Variants in MAST2 observed in about 807,000 individuals in gnomAD.
MAST2 encodes microtubule associated serine/threonine kinase 2.
In MAST2, 70 loss-of-function variants were observed where a neutral mutation model predicts 147.4. The observed-to-expected ratio is 0.47, with a 90% CI of 0.39 to 0.58. The LOEUF (loss-of-function observed/expected upper bound fraction) is 0.58. Ranked by LOEUF, MAST2 falls within the 20% of genes least tolerant of loss-of-function variation. The pLI is 0.00. For synonymous variants in MAST2, 869 were observed against 896.8 expected, an observed-to-expected ratio of 0.97 and a Z score of 0.55; for missense variants, 2,080 against 2,302.3, an observed-to-expected ratio of 0.90 and a Z score of 1.98.
At chr1:45,946,218 T>C (rs955171643) in intron 4 of MAST2, among the ~76,000 whole-genome samples, 3 of 152,178 alleles carry the variant, frequency 2.0e-5, no homozygotes, top group Non-Finnish European at 2.9e-5. Context: ...ACCAGGTTGA[T>C]TCCATTAGAA....
intron 4 of MAST2, among the ~76,000 whole-genome samples, chr1:45,888,622 A>G (rs1388728217): frequency 1.4e-5 from 2 of 139,776 alleles, no homozygotes; most frequent in Non-Finnish European, 3.1e-5. Flanking sequence ...TCGGCCTCCC[A>G]AAGTGCTGGG....
intron 6 of MAST2, among the ~76,000 whole-genome samples, chr1:45,998,933 C>T (rs893979067): frequency 4.6e-5 from 7 of 152,188 alleles, no homozygotes; most frequent in African/African-American, 1.2e-4. Context: ...GGGGTTCCAC[C>T]GTGTTAGCCA....
intron 1 of MAST2, among the ~76,000 whole-genome samples, chr1:45,814,560 G>A (rs1019067828): frequency 1.3e-5 from 2 of 152,158 alleles, no homozygotes; most frequent in East Asian, 3.8e-4. Context: ...ACCAAGGCGG[G>A]TGTATCACCT....
At chr1:45,943,208 A>G (rs903557825) in intron 4 of MAST2, among the ~76,000 whole-genome samples, 7 of 152,224 alleles carry the variant, frequency 4.6e-5, no homozygotes, top group African/African-American at 7.2e-5. Flanking sequence ...TCTTGGAGGC[A>G]TGATGATGGG....
chr1:46,011,132 C>A (rs144069672), intron 10 of MAST2, 193 bp downstream of exon 10: 30 of 596,286 alleles, frequency 5.0e-5, no homozygotes, highest in African/African-American at 5.0e-4. Flanking sequence ...TGCTTGGTAT[C>A]AAAGGAAGTC....
chr1:45,980,988 G>A (rs1043731005), intron 5 of MAST2, among the ~76,000 whole-genome samples: 4 of 152,178 alleles, frequency 2.6e-5, no homozygotes, highest in African/African-American at 7.2e-5. Flanking sequence ...AATATACGCA[G>A]AGCTGGCCAA....
At chr1:45,976,681 G>C (rs1451824974) in intron 5 of MAST2, among the ~76,000 whole-genome samples, 2 of 152,324 alleles carry the variant, frequency 1.3e-5, no homozygotes, top group African/African-American at 4.8e-5. Context: ...TATTAACAGA[G>C]GGCAGTGCTG....
In MAST2 at chr1:45,846,409, C is replaced by G. The variant is rs2147948819; in HGVS notation, c.468+16828C>G. 1.3e-5 allele frequency among the ~76,000 whole-genome samples: 2 copies of G among 152,104 alleles called. 1 individual carries two copies. Among genetic ancestry groups the G allele is most frequent in the South Asian group, 4.2e-4 (2 of 4,798 alleles). ...CAAGAAAATCAAAACATTTTCTGTCCTTAGTTATATTGCTCCCCCCGGCCT... is the reference window on the plus strand; with the variant it reads ...CAAGAAAATCAAAACATTTTCTGTCGTTAGTTATATTGCTCCCCCCGGCCT... On this transcript the variant is annotated intron_variant, in intron 3 of 28. Coordinates refer to ENST00000361297, the MANE Select transcript of MAST2 (RefSeq NM_015112.3).
chr1:45,870,674 C>T (rs1359619872), intron 3 of MAST2, among the ~76,000 whole-genome samples: 1 of 151,668 alleles, frequency 6.6e-6, no homozygotes, highest in East Asian at 1.9e-4. Flanking sequence ...ATAATCCCAG[C>T]ACTTTGAGAG....
At chr1:45,856,527 A>C (rs971229117) in intron 3 of MAST2, among the ~76,000 whole-genome samples, 3 of 152,182 alleles carry the variant, frequency 2.0e-5, no homozygotes, top group Non-Finnish European at 4.4e-5. Context: ...CATGCCTTGT[A>C]AGTTTCATGT....
At chr1:46,006,600 GA>G (rs961540266) in intron 8 of MAST2, 9,068 of 311,782 alleles carry the variant, frequency 0.029, 4 homozygotes, top group Middle Eastern at 0.042. Context: ...ATTTACAAAA[GA>G]AAAAAAAAAA....
At chr1:45,926,425 T>A (rs1332498764) in intron 4 of MAST2, among the ~76,000 whole-genome samples, 2 of 125,682 alleles carry the variant, frequency 1.6e-5, no homozygotes, top group African/African-American at 5.8e-5. Flanking sequence ...TTGGATATAT[T>A]GCCTACCATA....
rs1645902862 is a variant in MAST2 at position 45,859,354 on chromosome 1, C to T, written c.469-23010C>T. On this transcript the variant is annotated intron_variant, in intron 3 of 28. Coordinates refer to ENST00000361297, the MANE Select transcript of MAST2 (RefSeq NM_015112.3). ...GCCTCAAGTGATCCGCCAGCCTTTG[C>T]TTCCCAAAGTGCTGGGATTACAGGC... Among the ~76,000 whole-genome samples, 6 of 152,344 alleles carry T rather than the reference C, an allele frequency of 3.9e-5. No homozygotes were observed. In the South Asian group the frequency reaches 1.2e-3, roughly 32 times the overall value.
intron 4 of MAST2, among the ~76,000 whole-genome samples, chr1:45,898,870 G>T (rs991271169): frequency 2.0e-5 from 3 of 152,096 alleles, no homozygotes; most frequent in Non-Finnish European, 4.4e-5. Context: ...GAGCACATGG[G>T]ATGTCTACTT....
chr1:45,903,229 A>G (rs760123086), intron 4 of MAST2, among the ~76,000 whole-genome samples: 1 of 141,354 alleles, frequency 7.1e-6, no homozygotes, highest in Non-Finnish European at 1.5e-5. Context: ...TCCCAGGCTC[A>G]AGCAATTCTT....
chr1:45,834,408 G>T (rs940420062), intron 3 of MAST2, among the ~76,000 whole-genome samples: 2 of 151,960 alleles, frequency 1.3e-5, no homozygotes, highest in Non-Finnish European at 2.9e-5. Flanking sequence ...TTTATGAAGA[G>T]ATTTTTGGAC....
chr1:45,893,712 A>G (rs928511158), intron 4 of MAST2, among the ~76,000 whole-genome samples: 1 of 152,130 alleles, frequency 6.6e-6, no homozygotes, highest in Non-Finnish European at 1.5e-5. Context: ...AATCTCTAGG[A>G]GTTTTCTATT....
At chr1:45,873,189 A>ATTTTTTT (rs35141954) in intron 3 of MAST2, among the ~76,000 whole-genome samples, 2 of 143,248 alleles carry the variant, frequency 1.4e-5, no homozygotes, top group Admixed American at 7.0e-5. Flanking sequence ...TCTTCTTCCT[A>ATTTTTTT]TTTTTTTTTT....
chr1:45,847,828 A>G (rs944714356), intron 3 of MAST2, among the ~76,000 whole-genome samples: 1 of 152,136 alleles, frequency 6.6e-6, no homozygotes, highest in African/African-American at 2.4e-5. Flanking sequence ...GGTGTGAGCC[A>G]CTATGCCCGG....
Sources: gnomAD v4.1 joint callset for allele counts (sites outside exome capture counted in the v4.1 genomes callset) on GRCh38, gnomAD v4.1.1 for gene constraint, MANE v1.5 for transcripts, NCBI Gene and HGNC (gene_info 2026-07-23, HGNC 2026-07-21) for gene names.